HS6ST3: variants seen among roughly 807,000 people sequenced by gnomAD.
HS6ST3 encodes the protein heparan-sulfate 6-O-sulfotransferase 3.
A neutral mutation model predicts 36.7 loss-of-function variants in HS6ST3; 12 were observed. The observed-to-expected ratio is 0.33, with a 90% confidence interval of 0.21 to 0.53. The LOEUF (loss-of-function observed/expected upper bound fraction) is 0.53, where lower values mean the gene tolerates loss of function less well. Ranked by LOEUF, HS6ST3 falls within the 20% of genes least tolerant of loss-of-function variation. HS6ST3 has a pLI of 0.95. For missense variants in HS6ST3, 584 were observed against 640.9 expected, an observed-to-expected ratio of 0.91 and a Z score of 0.96; for synonymous variants, 240 against 257.5, an observed-to-expected ratio of 0.93 and a Z score of 0.65.
chr13:96,787,336 GC>G (rs1877675931), intron 1 of HS6ST3, among the ~76,000 whole-genome samples: 1 of 151,988 alleles, frequency 6.6e-6, no homozygotes, highest in East Asian at 1.9e-4. Context: ...TTTCAGAGTG[GC>G]AGTTTTTATT....
At chr13:96,670,787 A>G (rs1233064092) in intron 1 of HS6ST3, among the ~76,000 whole-genome samples, 2 of 152,134 alleles carry the variant, frequency 1.3e-5, no homozygotes, top group African/African-American at 2.4e-5. Flanking sequence ...TTGGAAGAGG[A>G]CCTGTCCTAC....
intron 1 of HS6ST3, among the ~76,000 whole-genome samples, chr13:96,207,688 T>C (rs1419494023): frequency 6.6e-6 from 1 of 152,182 alleles, no homozygotes; most frequent in East Asian, 1.9e-4. Flanking sequence ...GGGACATGGA[T>C]GGAATTGGAA....
chr13:96,267,348 C>T (rs9513119), intron 1 of HS6ST3, among the ~76,000 whole-genome samples: 77,295 of 152,008 alleles, frequency 0.51, 19,874 homozygotes, highest in Admixed American at 0.59. Context: ...AATAGTATTT[C>T]AGGTTTCTTC....
chr13:96,271,365 T>A (rs2054719113), intron 1 of HS6ST3, among the ~76,000 whole-genome samples: 1 of 151,966 alleles, frequency 6.6e-6, no homozygotes, highest in South Asian at 2.1e-4. Context: ...AATTTTAATA[T>A]GACTATTTAA....
chr13:96,590,343 A>G (rs1434014472), intron 1 of HS6ST3, among the ~76,000 whole-genome samples: 1 of 151,976 alleles, frequency 6.6e-6, no homozygotes, highest in Non-Finnish European at 1.5e-5. Context: ...ATTCTCACCT[A>G]CATTTGTTAT....
At chr13:96,368,169 T>C (rs896288490) in intron 1 of HS6ST3, among the ~76,000 whole-genome samples, 4 of 152,154 alleles carry the variant, frequency 2.6e-5, no homozygotes, top group African/African-American at 9.7e-5. Context: ...GTGTGCATAA[T>C]AGTTCACTAA....
At chr13:96,759,550 T>C (rs1350692711) in intron 1 of HS6ST3, among the ~76,000 whole-genome samples, 4 of 152,036 alleles carry the variant, frequency 2.6e-5, no homozygotes, top group African/African-American at 9.6e-5. Context: ...AACATGAGAA[T>C]GTACCACAAC....
At chr13:96,328,718 C>A (rs1233105985) in intron 1 of HS6ST3, among the ~76,000 whole-genome samples, 6 of 152,140 alleles carry the variant, frequency 3.9e-5, no homozygotes, top group Non-Finnish European at 7.3e-5. Flanking sequence ...GGAGGATTCC[C>A]TCTTTTTCTA....
rs1000905023 is a variant in HS6ST3 at position 96,417,569 on chromosome 13, GA to G, written c.707+326008del. ...TTATCTATAGAGGGCCCAGCATGGT[GA>G]AAAAAAATAGCATATATATATGTGT... On this transcript the variant is annotated intron_variant, in intron 1 of 1. Transcript: ENST00000376705. 3.4e-5 allele frequency among the ~76,000 whole-genome samples: 5 copies of G among 145,838 alleles called. No individual in the cohort carries two copies. The South Asian group carries it at 6.7e-4, about 20-fold the overall frequency.
chr13:96,684,521 A>G (rs1404578326), intron 1 of HS6ST3, among the ~76,000 whole-genome samples: 1 of 152,036 alleles, frequency 6.6e-6, no homozygotes, highest in Non-Finnish European at 1.5e-5. Flanking sequence ...GCCTAAGAAT[A>G]AATTTCTCTG....
chr13:96,439,512 CA>C (rs1222383257), intron 1 of HS6ST3, among the ~76,000 whole-genome samples: 1 of 152,156 alleles, frequency 6.6e-6, no homozygotes, highest in Admixed American at 6.5e-5. Context: ...GGTGAGAATA[CA>C]GATTCTGGAA....
chr13:96,504,324 G>A (rs964039824), intron 1 of HS6ST3, among the ~76,000 whole-genome samples: 8 of 152,222 alleles, frequency 5.3e-5, no homozygotes, highest in African/African-American at 1.4e-4. Context: ...ATGCTATTTT[G>A]CCTCCCTAGT....
In HS6ST3 at chr13:96,120,697, G is replaced by A. The variant is rs186270982; in HGVS notation, c.707+29128G>A. ...CTTGGTTTTTTCTGCTGTGATTTAG[G>A]CATCTATGTCACCTAATAAAAAACA... is the stretch of plus-strand genomic sequence containing the variant. On this transcript the variant is annotated intron_variant, in intron 1 of 1. Transcript: ENST00000376705. 1.4e-3 allele frequency among the ~76,000 whole-genome samples: 213 copies of A among 152,052 alleles called. 1 individual carries two copies. Among genetic ancestry groups the A allele is most frequent in the African/African-American group, 4.8e-3 (199 of 41,468 alleles).
At chr13:96,468,517 C>T (rs1376628247) in intron 1 of HS6ST3, among the ~76,000 whole-genome samples, 1 of 147,810 alleles carries the variant, frequency 6.8e-6, no homozygotes, top group African/African-American at 2.5e-5. Flanking sequence ...CACACACACT[C>T]CATAATATTA....
At chr13:96,194,288 T>C (rs962057101) in intron 1 of HS6ST3, among the ~76,000 whole-genome samples, 3 of 151,874 alleles carry the variant, frequency 2.0e-5, no homozygotes, top group Admixed American at 6.6e-5. Context: ...CAAAGAGCCA[T>C]ATGTGAAATA....
At chr13:96,384,918 G>A (rs570724599) in intron 1 of HS6ST3, among the ~76,000 whole-genome samples, 21 of 152,202 alleles carry the variant, frequency 1.4e-4, no homozygotes, top group African/African-American at 4.6e-4. Context: ...AGTGACTCAC[G>A]CCTGTAATCC....
At chr13:96,645,546 C>G (rs531768551) in intron 1 of HS6ST3, among the ~76,000 whole-genome samples, 2 of 151,362 alleles carry the variant, frequency 1.3e-5, no homozygotes, top group South Asian at 4.2e-4. Context: ...CCTGAACATG[C>G]ATTGAAATCT....
At chr13:96,496,335 A>G (rs1308231330) in intron 1 of HS6ST3, among the ~76,000 whole-genome samples, 1 of 152,172 alleles carries the variant, frequency 6.6e-6, no homozygotes, top group African/African-American at 2.4e-5. Flanking sequence ...CAAGAAGGCC[A>G]CCATCAATGC....
intron 1 of HS6ST3, among the ~76,000 whole-genome samples, chr13:96,134,495 AT>A (rs1244932940): frequency 1.3e-5 from 2 of 150,754 alleles, no homozygotes; most frequent in African/African-American, 4.9e-5. Context: ...CAGTGTCATA[AT>A]TTTTTCTTTT....
Sources: allele counts gnomAD v4.1 joint callset (sites outside exome capture counted in the v4.1 genomes callset), GRCh38; gene constraint gnomAD v4.1.1; transcripts MANE v1.5; gene names NCBI Gene and HGNC (gene_info 2026-07-23, HGNC 2026-07-21).